ARMC2: variants seen among roughly 807,000 people sequenced by gnomAD.
The protein encoded by ARMC2 is armadillo repeat-containing protein 2.
In ARMC2, 67 loss-of-function variants were observed where a neutral mutation model predicts 90.3. The observed-to-expected ratio is 0.74, with a 90% confidence interval of 0.61 to 0.91. The LOEUF (loss-of-function observed/expected upper bound fraction) is 0.91, where lower values mean the gene tolerates loss of function less well. Ranked by LOEUF, ARMC2 falls within the 40% of genes least tolerant of loss-of-function variation. The pLI, the probability that ARMC2 is intolerant of heterozygous loss-of-function variation, is 0.00. For missense variants in ARMC2, 920 were observed against 1,030.9 expected (o/e 0.89, Z 1.47); for synonymous variants, 393 against 393.0 (o/e 1.00, Z 0.00).
chr6:108,949,490 A>G (rs973137155), intron 12 of ARMC2, among the ~76,000 whole-genome samples: 4 of 152,226 alleles, frequency 2.6e-5, no homozygotes, highest in African/African-American at 9.6e-5. Flanking sequence ...TAGAATTCAT[A>G]TAGTCTTTCA....
In ARMC2 at chr6:108,854,422, A is replaced by C. The variant is rs147935937; in HGVS notation, c.155A>C (p.Gln52Pro). The change falls in exon 2 of 18, where the codon CAA (glutamine) becomes CCA (proline). Residue 52 changes from glutamine to proline, a missense_variant. Gln to Pro is a moderately conservative substitution (Grantham distance 76). Transcript: ENST00000392644. ...TQRPFTPQEA[Q>P]RKLFGPASSR... ...AGACCATTTACACCACAGGAGGCTCAAAGAAAACTATTCGGACCTGCATCC... is the reference window on the plus strand; with the variant it reads ...AGACCATTTACACCACAGGAGGCTCCAAGAAAACTATTCGGACCTGCATCC... 2.0e-3 allele frequency: 3,211 copies of C among 1,613,620 alleles called. 9 individuals are homozygous for C. Among genetic ancestry groups the C allele is most frequent in the Non-Finnish European group, 2.0e-3 (2,332 of 1,179,828 alleles).
downstream of ARMC2, among the ~76,000 whole-genome samples, chr6:108,979,440 CAACCTTGGTGAATCTGCCGAT>C (rs1779043450): frequency 6.6e-6 from 1 of 152,090 alleles, no homozygotes; most frequent in Non-Finnish European, 1.5e-5. Flanking sequence ...TCCTTCATTT[CAACCTTGGTGAATCTGCCGAT>C]TATGTGTCTT....
At chr6:109,014,620 T>C in the ARMC2 span, among the ~76,000 whole-genome samples, 1 of 152,172 alleles carries the variant, frequency 6.6e-6, no homozygotes, top group Non-Finnish European at 1.5e-5. Flanking sequence ...AGGGTGAGTT[T>C]TTTTGTTTGT....
chr6:108,908,762 AAAAG>A (rs748247969), intron 8 of ARMC2, among the ~76,000 whole-genome samples: 3 of 152,140 alleles, frequency 2.0e-5, no homozygotes, highest in Non-Finnish European at 4.4e-5. Context: ...GAAAAAAAAG[AAAAG>A]AGAGAGAGAG....
intron 5 of ARMC2, among the ~76,000 whole-genome samples, chr6:108,892,130 G>A (rs1326466503): frequency 6.6e-6 from 1 of 152,274 alleles, no homozygotes; most frequent in East Asian, 1.9e-4. Flanking sequence ...TAATAGTTGT[G>A]TAGGGCAGGT....
intron 17 of ARMC2, among the ~76,000 whole-genome samples, chr6:108,968,253 T>C (rs1160995302): frequency 2.0e-5 from 3 of 152,166 alleles, no homozygotes; most frequent in African/African-American, 7.2e-5. Flanking sequence ...ATACGGAAAG[T>C]AGGTTTTAGG....
At chr6:108,899,340 A>G (rs189091217) in intron 6 of ARMC2, among the ~76,000 whole-genome samples, 9 of 152,160 alleles carry the variant, frequency 5.9e-5, no homozygotes, top group Non-Finnish European at 1.3e-4. Flanking sequence ...CTTATTCTTT[A>G]TATATCTATA....
intron 7 of ARMC2, among the ~76,000 whole-genome samples, chr6:108,903,584 A>G (rs1772371431): frequency 6.6e-6 from 1 of 152,232 alleles, no homozygotes; most frequent in Admixed American, 6.5e-5. Context: ...ACAGTATTCT[A>G]TACAATATTC....
chr6:108,901,437 A>G (rs1772144808), intron 7 of ARMC2, among the ~76,000 whole-genome samples: 1 of 137,184 alleles, frequency 7.3e-6, no homozygotes, highest in African/African-American at 2.8e-5. Context: ...TTCTTTTGAG[A>G]CAGAGTCTTG....
intron 3 of ARMC2, among the ~76,000 whole-genome samples, chr6:108,861,584 T>A (rs1775248320): frequency 6.6e-6 from 1 of 152,256 alleles, no homozygotes; most frequent in African/African-American, 2.4e-5. Flanking sequence ...TACTTGTTCA[T>A]GTATTGCAGA....
the ARMC2 span, among the ~76,000 whole-genome samples, chr6:108,998,160 C>G: frequency 2.0e-5 from 3 of 152,108 alleles, no homozygotes; most frequent in African/African-American, 7.2e-5. Flanking sequence ...AAGTCTCCAC[C>G]ACCAGGCCAC....
chr6:108,930,898 A>G (rs999833793), intron 11 of ARMC2, among the ~76,000 whole-genome samples: 2 of 120,040 alleles, frequency 1.7e-5, no homozygotes, highest in African/African-American at 6.3e-5. Context: ...CCCGGCCCCC[A>G]CCCCCTTTTT....
At chr6:108,904,428 C>T (rs201982059) in intron 8 of ARMC2, 23 bp downstream of exon 8, 2 of 1,566,968 alleles carry the variant, frequency 1.3e-6, no homozygotes, top group East Asian at 4.5e-5. Flanking sequence ...TTCCTCTGGT[C>T]TAGTAGACTA....
intron 11 of ARMC2, among the ~76,000 whole-genome samples, chr6:108,928,630 G>A (rs1775290288): frequency 6.6e-6 from 1 of 152,170 alleles, no homozygotes; most frequent in African/African-American, 2.4e-5. Flanking sequence ...AGTCTGATGT[G>A]ACTTTGTAAT....
At chr6:108,951,748 G>A (rs537966577) in intron 12 of ARMC2, among the ~76,000 whole-genome samples, 34 of 152,328 alleles carry the variant, frequency 2.2e-4, no homozygotes, top group African/African-American at 7.7e-4. Context: ...TGCGCTCCTC[G>A]ATGAAAACGT....
chr6:108,888,044 C>T (rs977290502), intron 5 of ARMC2, among the ~76,000 whole-genome samples: 2 of 152,186 alleles, frequency 1.3e-5, no homozygotes, highest in Non-Finnish European at 2.9e-5. Context: ...TAGGCTGCAG[C>T]GTTACGTAGA....
intron 5 of ARMC2, among the ~76,000 whole-genome samples, chr6:108,884,055 C>G (rs777549968): frequency 2.2e-4 from 34 of 152,016 alleles, no homozygotes; most frequent in Admixed American, 1.3e-4. Flanking sequence ...AGTCATTATT[C>G]TTTTAAGATT....
the ARMC2 span, chr6:109,009,265 G>C: frequency 8.7e-7 from 1 of 1,150,084 alleles, no homozygotes; most frequent in Non-Finnish European, 1.1e-6. Context: ...CGACTGTGAG[G>C]AGGCAACGTG....
chr6:108,954,887 A>G (rs1474329589), intron 13 of ARMC2, among the ~76,000 whole-genome samples: 2 of 152,122 alleles, frequency 1.3e-5, no homozygotes, highest in Non-Finnish European at 2.9e-5. Flanking sequence ...ACAGACATGT[A>G]TTTTCTCACA....
Sources: allele counts gnomAD v4.1 joint callset (sites outside exome capture counted in the v4.1 genomes callset), GRCh38; gene constraint gnomAD v4.1.1; transcripts MANE v1.5; gene names NCBI Gene and HGNC (gene_info 2026-07-23, HGNC 2026-07-21).